The following TRDN variants were observed in gnomAD, a reference collection of about 807,000 sequenced individuals.
The protein encoded by TRDN is triadin in skeletal muscle.
A neutral mutation model predicts 149.7 loss-of-function variants in TRDN; 161 were observed. That is an observed-to-expected ratio of 1.08 (90% CI 0.95 to 1.23). TRDN has a LOEUF of 1.23. TRDN is among the 50% of genes most tolerant of loss of function. The pLI is 0.00. For synonymous variants in TRDN, 294 were observed against 250.5 expected, an observed-to-expected ratio of 1.17 and a Z score of -1.64; for missense variants, 896 against 823.5, an observed-to-expected ratio of 1.09 and a Z score of -1.08.
At chr6:123,265,375 A>C (rs1034121423) in intron 32 of TRDN, 37 bp from the exon 33 acceptor site, 2 of 1,329,780 alleles carry the variant, frequency 1.5e-6, no homozygotes, top group Non-Finnish European at 2.0e-6. Flanking sequence ...AAAATGAGTG[A>C]TAATTTTCTA....
At chr6:123,227,670 T>C (rs1236037746) in intron 38 of TRDN, among the ~76,000 whole-genome samples, 1 of 152,020 alleles carries the variant, frequency 6.6e-6, no homozygotes, top group Non-Finnish European at 1.5e-5. Flanking sequence ...AGTTATTTCA[T>C]ATGTGTTAAC....
At chr6:123,429,467 T>C (rs1272772224) in intron 12 of TRDN, among the ~76,000 whole-genome samples, 1 of 152,214 alleles carries the variant, frequency 6.6e-6, no homozygotes, top group Admixed American at 6.5e-5. Flanking sequence ...TTGATGTTTT[T>C]AAAGCTTTAC....
chr6:123,392,498 C>CA (rs1160772916), intron 13 of TRDN, among the ~76,000 whole-genome samples: 1 of 151,992 alleles, frequency 6.6e-6, no homozygotes, highest in Non-Finnish European at 1.5e-5. Context: ...AACTGGTAGT[C>CA]ATTGGCTTGA....
At chr6:123,373,674 C>A (rs549847990) in intron 19 of TRDN, among the ~76,000 whole-genome samples, 24 of 152,198 alleles carry the variant, frequency 1.6e-4, no homozygotes, top group Non-Finnish European at 3.1e-4. Context: ...GACTTTAACC[C>A]TGTCAATCTC....
At chr6:123,416,652 T>C (rs1773659909) in intron 12 of TRDN, among the ~76,000 whole-genome samples, 1 of 152,052 alleles carries the variant, frequency 6.6e-6, no homozygotes, top group Non-Finnish European at 1.5e-5. Flanking sequence ...TATGAAGTTC[T>C]ATAAATGCAA....
rs201924506 is a variant in TRDN, at chr6:123,301,758, TATATATATATAC to T, written c.1510+14687_1510+14698del. 6.1e-5 allele frequency among the ~76,000 whole-genome samples: 5 copies of T among 82,574 alleles called. No homozygotes were observed. In the Admixed American group the frequency reaches 7.4e-4, roughly 12 times the overall value. 54.2% of individuals were successfully genotyped at this position (82,574 alleles called of 152,430 possible). A position where few individuals can be genotyped will look rare whatever the true frequency, so the allele number is the denominator to read the frequency against. On this transcript the variant is annotated intron_variant, in intron 24 of 40. Transcript: ENST00000334268. The stretch of plus-strand genomic sequence containing the variant: ...GTATGTATGTATATATATACATATA[TATATATATATAC>T]ATATATATATATATATACATAAATG...
chr6:123,358,793 G>A (rs926784569), intron 20 of TRDN, among the ~76,000 whole-genome samples: 3 of 151,944 alleles, frequency 2.0e-5, no homozygotes, highest in African/African-American at 7.3e-5. Context: ...TAGTAGGTAC[G>A]TTTAAATGGA....
chr6:123,304,741 A>G (rs1582845404), intron 24 of TRDN, among the ~76,000 whole-genome samples: 1 of 152,162 alleles, frequency 6.6e-6, no homozygotes. Flanking sequence ...ACCAAATAAA[A>G]TTGTACATAA....
In TRDN at chr6:123,466,927, T is replaced by C. The variant is rs1008761333; in HGVS notation, c.854-1944A>G. The stretch of plus-strand genomic sequence containing the variant: ...TGTATAATTATAGTCTTTTATAGTC[T>C]TGAGTTATTGAGGAACTTATTATAC... On this transcript the variant is annotated intron_variant, in intron 9 of 40. Coordinates refer to ENST00000334268, the MANE Select transcript of TRDN (RefSeq NM_006073.4). Among the ~76,000 whole-genome samples, 4 of 152,230 alleles carry C rather than the reference T, an allele frequency of 2.6e-5. No homozygotes were observed. The South Asian group carries it at 8.3e-4, about 32-fold the overall frequency.
chr6:123,346,602 GAC>G (rs1210251876), intron 21 of TRDN, among the ~76,000 whole-genome samples: 1 of 151,944 alleles, frequency 6.6e-6, no homozygotes, highest in Non-Finnish European at 1.5e-5. Flanking sequence ...TTACCAGAAT[GAC>G]AGAGTGTCTC....
intron 19 of TRDN, 65 bp from the exon 20 acceptor site, chr6:123,366,247 C>A: frequency 7.0e-7 from 1 of 1,425,934 alleles, no homozygotes; most frequent in Non-Finnish European, 9.8e-7. Flanking sequence ...ACATCTTATA[C>A]TATTGAGAAT....
intron 1 of TRDN, among the ~76,000 whole-genome samples, chr6:123,612,696 C>A (rs945685119): frequency 6.6e-6 from 1 of 151,970 alleles, no homozygotes; most frequent in African/African-American, 2.4e-5. Context: ...CACCACTGTG[C>A]GTCAAGATGA....
intron 10 of TRDN, 183 bp downstream of exon 10, chr6:123,464,723 A>T: frequency 7.2e-7 from 1 of 1,389,466 alleles, no homozygotes; most frequent in Non-Finnish European, 9.3e-7. Context: ...TCTTAAGGGG[A>T]CATTTTTGGT....
intron 23 of TRDN, among the ~76,000 whole-genome samples, chr6:123,319,035 G>T (rs919578595): frequency 2.6e-5 from 4 of 151,952 alleles, no homozygotes; most frequent in Non-Finnish European, 4.4e-5. Context: ...TTAAAAGCAA[G>T]CTCATTTCCT....
chr6:123,259,026 C>G (rs1162900352), intron 35 of TRDN, among the ~76,000 whole-genome samples: 1 of 152,006 alleles, frequency 6.6e-6, no homozygotes, highest in Non-Finnish European at 1.5e-5. Flanking sequence ...ATTCTTCTCT[C>G]TTTTCTTCTT....
intron 1 of TRDN, among the ~76,000 whole-genome samples, chr6:123,633,181 T>C (rs753299878): frequency 2.6e-4 from 40 of 152,044 alleles, no homozygotes; most frequent in Non-Finnish European, 5.3e-4. Flanking sequence ...GTTAATTATA[T>C]ATGGGATTCC....
intron 5 of TRDN, among the ~76,000 whole-genome samples, chr6:123,523,310 C>T (rs183062654): frequency 3.7e-4 from 57 of 152,220 alleles, no homozygotes; most frequent in African/African-American, 1.3e-3. Context: ...ACAGCTCAGC[C>T]TGCCTGCAGT....
intron 12 of TRDN, among the ~76,000 whole-genome samples, chr6:123,419,913 A>T (rs1289193148): frequency 6.6e-6 from 1 of 152,146 alleles, no homozygotes; most frequent in Non-Finnish European, 1.5e-5. Flanking sequence ...AGAAATTTTT[A>T]CTCTCGAAAA....
At chr6:123,221,246 T>C (rs1775137018) in intron 40 of TRDN, among the ~76,000 whole-genome samples, 1 of 151,790 alleles carries the variant, frequency 6.6e-6, no homozygotes, top group South Asian at 2.1e-4. Context: ...GTAGAAGGAT[T>C]TGCGATAAAT....
Sources: allele counts gnomAD v4.1 joint callset (sites outside exome capture counted in the v4.1 genomes callset), GRCh38; gene constraint gnomAD v4.1.1; transcripts MANE v1.5; gene names NCBI Gene and HGNC (gene_info 2026-07-23, HGNC 2026-07-21).